The following NIPAL2 variants were observed in gnomAD, a reference collection of about 807,000 sequenced individuals.
NIPAL2 encodes the protein NIPA-like protein 2.
NIPAL2 carries 43 observed loss-of-function variants against 48.9 expected under a neutral mutation model. The observed-to-expected ratio is 0.88, with a 90% CI of 0.69 to 1.13. The LOEUF (loss-of-function observed/expected upper bound fraction) is 1.13. Among genes scored for constraint, NIPAL2 ranks in the 50% most tolerant of loss-of-function variants. The probability of loss-of-function intolerance (pLI) is 0.00; values close to 1 mark genes in which losing one functional copy is unlikely to be tolerated. For synonymous variants in NIPAL2, 167 were observed against 174.6 expected (o/e 0.96, Z 0.34); for missense variants, 446 against 461.4 (o/e 0.97, Z 0.31).
chr8:98,204,993 T>G, intron 7 of NIPAL2, 118 bp downstream of exon 7: 2 of 1,128,134 alleles, frequency 1.8e-6, no homozygotes, highest in South Asian at 1.3e-5. Flanking sequence ...CTACAGGCCC[T>G]TCACCCTTAG....
intron 5 of NIPAL2, among the ~76,000 whole-genome samples, chr8:98,222,265 A>T (rs1811931922): frequency 6.6e-6 from 1 of 152,118 alleles, no homozygotes; most frequent in South Asian, 2.1e-4. Context: ...GGATTAATCG[A>T]TGTGGAAATT....
intron 4 of NIPAL2, among the ~76,000 whole-genome samples, chr8:98,234,789 C>T (rs1250416145): frequency 6.6e-6 from 1 of 151,146 alleles, no homozygotes; most frequent in Non-Finnish European, 1.5e-5. Context: ...TGGACTCAAG[C>T]AATCCGTCTG....
intron 5 of NIPAL2, among the ~76,000 whole-genome samples, chr8:98,217,896 C>A (rs969898041): frequency 6.6e-6 from 1 of 152,012 alleles, no homozygotes; most frequent in Admixed American, 6.5e-5. Context: ...ATTCCTGCTA[C>A]GGGAATTCCT....
chr8:98,293,898 C>T (rs1359502193), intron 1 of NIPAL2, 105 bp downstream of exon 1: 9 of 1,104,780 alleles, frequency 8.1e-6, no homozygotes, highest in Non-Finnish European at 9.5e-6. Flanking sequence ...GGCCGGGTGT[C>T]TTCCTGAGAG....
chr8:98,274,541 T>C (rs1239850685), intron 1 of NIPAL2, among the ~76,000 whole-genome samples: 1 of 152,066 alleles, frequency 6.6e-6, no homozygotes, highest in Non-Finnish European at 1.5e-5. Flanking sequence ...CTTTTATCAG[T>C]ATGACTCTTT....
chr8:98,192,674 T>G lies in NIPAL2; in HGVS notation c.*304A>C, dbSNP rs1023247199. ...ATGCGACCTGTGGCCAAACCGCAAA[T>G]GTATGTTTCTGTGCAACATTCCTGC... On this transcript the variant is annotated 3_prime_UTR_variant, in exon 11 of 11. Coordinates refer to ENST00000430223, the MANE Select transcript of NIPAL2 (RefSeq NM_001321635.2). The G allele has an allele frequency of 5.5e-5, 17 of 310,874 alleles. No individual in the cohort carries two copies. The highest frequency in any genetic ancestry group is 2.1e-5 in the African/African-American group (1 of 47,874). The allele number at this position is 310,874 out of a possible 1,614,324, so 19.3% of individuals were successfully genotyped here.
intron 3 of NIPAL2, among the ~76,000 whole-genome samples, chr8:98,242,111 G>A (rs964678220): frequency 1.3e-5 from 2 of 152,172 alleles, no homozygotes; most frequent in African/African-American, 4.8e-5. Flanking sequence ...AAGTTTTAGC[G>A]ATCTATTGCA....
At chr8:98,271,937 C>T (rs1039662029) in intron 1 of NIPAL2, among the ~76,000 whole-genome samples, 7 of 151,110 alleles carry the variant, frequency 4.6e-5, no homozygotes, top group African/African-American at 1.2e-4. Flanking sequence ...GCTTATTCTA[C>T]GTCTATTGAG....
chr8:98,243,781 T>A (rs953932761), intron 3 of NIPAL2, among the ~76,000 whole-genome samples: 1 of 149,036 alleles, frequency 6.7e-6, no homozygotes, highest in African/African-American at 2.5e-5. Flanking sequence ...GATTTTTACA[T>A]GTCAGTTTAG....
chr8:98,259,752 C>G (rs1448972265), intron 1 of NIPAL2, among the ~76,000 whole-genome samples: 1 of 152,188 alleles, frequency 6.6e-6, no homozygotes, highest in Non-Finnish European at 1.5e-5. Context: ...ACACACACAA[C>G]CCTGCTGTGC....
intron 4 of NIPAL2, among the ~76,000 whole-genome samples, chr8:98,225,161 TTTC>T (rs1812104301): frequency 6.6e-6 from 1 of 152,236 alleles, no homozygotes; most frequent in Non-Finnish European, 1.5e-5. Flanking sequence ...TCACACATTC[TTTC>T]TTCTTAATAA....
chr8:98,262,634 C>T (rs1474394330), intron 1 of NIPAL2, among the ~76,000 whole-genome samples: 4 of 150,336 alleles, frequency 2.7e-5, no homozygotes, highest in African/African-American at 7.3e-5. Flanking sequence ...TAAAGCAAGT[C>T]CTGAGTGACC....
chr8:98,223,545 A>G (rs1198638637), intron 4 of NIPAL2, among the ~76,000 whole-genome samples: 2 of 152,252 alleles, frequency 1.3e-5, no homozygotes, highest in African/African-American at 4.8e-5. Flanking sequence ...GATATAATTT[A>G]TAACCAACAT....
intron 1 of NIPAL2, among the ~76,000 whole-genome samples, chr8:98,267,214 T>G (rs1265375619): frequency 1.3e-5 from 2 of 152,200 alleles, no homozygotes; most frequent in Admixed American, 1.3e-4. Flanking sequence ...CCAATTATAA[T>G]TTTTTTAATG....
At chr8:98,264,056 A>G (rs975501157) in intron 1 of NIPAL2, among the ~76,000 whole-genome samples, 1 of 151,774 alleles carries the variant, frequency 6.6e-6, no homozygotes, top group South Asian at 2.1e-4. Context: ...CAGATGCAGA[A>G]AAAGCCTTTG....
At chr8:98,213,278 C>G (rs534578920) in intron 5 of NIPAL2, among the ~76,000 whole-genome samples, 1 of 152,196 alleles carries the variant, frequency 6.6e-6, no homozygotes, top group Non-Finnish European at 1.5e-5. Flanking sequence ...TGGTTTATCA[C>G]ATTTTTATAT....
intron 1 of NIPAL2, among the ~76,000 whole-genome samples, chr8:98,266,173 C>A (rs1245565338): frequency 6.7e-6 from 1 of 149,152 alleles, no homozygotes; most frequent in African/African-American, 2.5e-5. Flanking sequence ...GGGAGATATG[C>A]CTAATGCTAG....
intron 4 of NIPAL2, among the ~76,000 whole-genome samples, chr8:98,225,996 G>C (rs1358195724): frequency 6.6e-6 from 1 of 151,852 alleles, no homozygotes; most frequent in Non-Finnish European, 1.5e-5. Context: ...CTGCTGTTAA[G>C]AGACTCTGAT....
intron 1 of NIPAL2, among the ~76,000 whole-genome samples, chr8:98,280,761 T>TATATAAAG: frequency 3.3e-5 from 1 of 30,032 alleles, no homozygotes; most frequent in South Asian, 1.5e-3. Flanking sequence ...TATATATATA[T>TATATAAAG]AGAGAGAGAG....
Sources: gnomAD v4.1 joint callset for allele counts (sites outside exome capture counted in the v4.1 genomes callset) on GRCh38, gnomAD v4.1.1 for gene constraint, MANE v1.5 for transcripts, NCBI Gene and HGNC (gene_info 2026-07-23, HGNC 2026-07-21) for gene names.